GAREM1: variants seen among roughly 807,000 people sequenced by gnomAD.
The protein encoded by GAREM1 is GRB2 associated regulator of MAPK1 subtype 1, also known as GRB2-associated and regulator of MAPK protein 1.
A neutral mutation model predicts 71.3 loss-of-function variants in GAREM1; 26 were observed. That is an observed-to-expected ratio of 0.36 (90% CI 0.27 to 0.51). The LOEUF is 0.51. Among genes scored for constraint, GAREM1 ranks in the 20% least tolerant of loss-of-function variants. The pLI is 0.95. For missense variants in GAREM1, 1,026 were observed against 1,103.1 expected (o/e 0.93, Z 0.99); for synonymous variants, 440 against 433.2 (o/e 1.02, Z -0.20).
At chr18:32,372,951 G>A (rs1423769873) in intron 2 of GAREM1, among the ~76,000 whole-genome samples, 7 of 152,164 alleles carry the variant, frequency 4.6e-5, no homozygotes, top group South Asian at 2.1e-4. Context: ...GCTCTCTCCC[G>A]CCTCACCCAC....
intron 2 of GAREM1, among the ~76,000 whole-genome samples, chr18:32,346,686 C>T (rs1399899089): frequency 6.6e-6 from 1 of 152,160 alleles, no homozygotes; most frequent in Non-Finnish European, 1.5e-5. Flanking sequence ...ATTACTACTC[C>T]TAGTTGTGTC....
chr18:32,263,789 T>C lies in GAREM1; in HGVS notation c.*4082A>G, dbSNP rs2041337255. 1 of 152,214 alleles carries C rather than the reference T, an allele frequency of 6.6e-6. No homozygotes were observed. Among genetic ancestry groups the C allele is most frequent in the African/African-American group, 2.4e-5 (1 of 41,458 alleles). 9.4% of individuals were successfully genotyped at this position (152,214 alleles called of 1,614,324 possible). ...TCTCCAAATTCTTAACTGATTTCAA[T>C]TTTTAGGCTTAGCTTAAATATTTTA... On this transcript the variant is annotated 3_prime_UTR_variant, in exon 6 of 6. Transcript: ENST00000269209.
At position 32,268,581 on chromosome 18, in the gene GAREM1, C is replaced by G. The variant is rs1444680822; in HGVS notation, c.1921G>C (p.Asp641His). The G allele has an allele frequency of 6.2e-7, 1 of 1,614,148 alleles. No homozygotes were observed. The highest frequency in any genetic ancestry group is 8.5e-7 in the Non-Finnish European group (1 of 1,180,018). ...SGASESQTRS[D>H]FLLDPSRSYS... is the part of the protein sequence containing the mutation. The stretch of plus-strand genomic sequence containing the variant: ...CTCCTGCTTGGATCCAGCAGGAAGT[C>G]ACTCCTGGTCTGGCTTTCTGATGCT... Residue 641 changes from aspartate to histidine, a missense_variant, in exon 6 of 6, where the codon GAC becomes CAC. By Grantham distance (81) the Asp-to-His change is moderately conservative. Around this residue, in one of 3 missense-constraint regions of GAREM1, gnomAD observed 636 missense variants for 631.2 expected, o/e 1.01. Coordinates refer to ENST00000269209, the MANE Select transcript of GAREM1 (RefSeq NM_001242409.2).
At chr18:32,312,089 C>A (rs1338596079) in intron 2 of GAREM1, among the ~76,000 whole-genome samples, 3 of 152,154 alleles carry the variant, frequency 2.0e-5, no homozygotes, top group African/African-American at 7.2e-5. Context: ...TCAGTCTGGA[C>A]AGGTAAGTCT....
In GAREM1 at chr18:32,267,821, T is replaced by C; in HGVS notation, c.*50A>G. 1 of 1,470,824 alleles carries C rather than the reference T, an allele frequency of 6.8e-7. No individual in the cohort carries two copies. The highest frequency in any genetic ancestry group is 9.3e-7 in the Non-Finnish European group (1 of 1,074,536). 91.1% of individuals were successfully genotyped at this position (1,470,824 alleles called of 1,614,324 possible). ...AAATTGTGTCCCAGCCCACCCCTTC[T>C]AGCACACGCATTGATCAGTTTTGTT... On this transcript the variant is annotated 3_prime_UTR_variant, in exon 6 of 6. Coordinates refer to ENST00000269209, the MANE Select transcript of GAREM1 (RefSeq NM_001242409.2).
rs753863463 is a variant in GAREM1, at chr18:32,268,259, A to G, written c.2243T>C (p.Ile748Thr). 3.1e-6 allele frequency: 5 copies of G among 1,613,924 alleles called. No homozygotes were observed. The South Asian group carries it at 4.4e-5, about 14-fold the overall frequency. Residue 748 changes from isoleucine (I) to threonine (T), a missense_variant, in exon 6 of 6, where the codon ATT becomes ACT. Ile to Thr is a moderately conservative substitution (Grantham distance 89, BLOSUM62 -1). Transcript: ENST00000269209. The part of the protein sequence containing the change: ...ASETSPLPLK[I>T]DGAEEDPKSG... Reference sequence around the variant, plus strand: ...CTTGGGGTCTTCCTCAGCACCATCAATTTTCAGAGGCAAAGGAGATGTTTC... The same window carrying G: ...CTTGGGGTCTTCCTCAGCACCATCAGTTTTCAGAGGCAAAGGAGATGTTTC...
intron 2 of GAREM1, among the ~76,000 whole-genome samples, chr18:32,316,238 T>A (rs1010878333): frequency 6.6e-6 from 1 of 152,228 alleles, no homozygotes; most frequent in Non-Finnish European, 1.5e-5. Context: ...CTACAACTGT[T>A]AACATTTATG....
intron 1 of GAREM1, among the ~76,000 whole-genome samples, chr18:32,448,625 T>C (rs769410675): frequency 4.6e-5 from 7 of 151,926 alleles, no homozygotes; most frequent in Non-Finnish European, 5.9e-5. Context: ...CCAAGGTAAA[T>C]GAAGGATATT....
chr18:32,332,216 C>G (rs190218957), intron 2 of GAREM1, among the ~76,000 whole-genome samples: 28 of 151,810 alleles, frequency 1.8e-4, no homozygotes, highest in African/African-American at 6.8e-4. Context: ...GTAGTCTTTG[C>G]CTACCAGGTT....
chr18:32,417,243 A>G (rs2048474131), intron 1 of GAREM1, among the ~76,000 whole-genome samples: 1 of 152,228 alleles, frequency 6.6e-6, no homozygotes, highest in South Asian at 2.1e-4. Context: ...GGCATGGAAA[A>G]AAGGGAACCC....
intron 2 of GAREM1, among the ~76,000 whole-genome samples, chr18:32,350,890 A>T (rs1325222341): frequency 6.6e-6 from 1 of 152,186 alleles, no homozygotes; most frequent in Non-Finnish European, 1.5e-5. Context: ...CAAAATTTCA[A>T]TTTATTAGAC....
At chr18:32,313,274 G>C (rs1309882096) in intron 2 of GAREM1, among the ~76,000 whole-genome samples, 1 of 152,138 alleles carries the variant, frequency 6.6e-6, no homozygotes, top group Non-Finnish European at 1.5e-5. Flanking sequence ...TGGGTGGGAG[G>C]GAAGTGGGTC....
chr18:32,324,536 G>A (rs1050779785), intron 2 of GAREM1, among the ~76,000 whole-genome samples: 2 of 152,196 alleles, frequency 1.3e-5, no homozygotes, highest in Admixed American at 1.3e-4. Context: ...AAAACTCCAT[G>A]TACAGAAACA....
chr18:32,317,142 C>T (rs112269282), intron 2 of GAREM1, among the ~76,000 whole-genome samples: 5,263 of 152,234 alleles, frequency 0.035, 294 homozygotes, highest in African/African-American at 0.12. Flanking sequence ...CGGTGGCTCA[C>T]GCCTGTAATC....
At chr18:32,361,005 T>C (rs536421476) in intron 2 of GAREM1, among the ~76,000 whole-genome samples, 1 of 152,338 alleles carries the variant, frequency 6.6e-6, no homozygotes, top group African/African-American at 2.4e-5. Context: ...ATACTCTTTT[T>C]AGAAATAATA....
At chr18:32,344,309 C>T (rs1348845548) in intron 2 of GAREM1, among the ~76,000 whole-genome samples, 1 of 152,170 alleles carries the variant, frequency 6.6e-6, no homozygotes, top group East Asian at 1.9e-4. Context: ...CCCCAAAACT[C>T]AGGAGCTTTC....
At chr18:32,306,654 C>G (rs2047258673) in intron 3 of GAREM1, among the ~76,000 whole-genome samples, 1 of 152,206 alleles carries the variant, frequency 6.6e-6, no homozygotes, top group African/African-American at 2.4e-5. Context: ...CAACTAGATA[C>G]TCTGAGCCTA....
chr18:32,374,388 A>G (rs1055914862), intron 2 of GAREM1, among the ~76,000 whole-genome samples: 2 of 152,148 alleles, frequency 1.3e-5, no homozygotes, highest in African/African-American at 4.8e-5. Flanking sequence ...TGAACTCCCC[A>G]CCTTCTCTGC....
At chr18:32,451,927 T>C (rs2048844223) in intron 1 of GAREM1, among the ~76,000 whole-genome samples, 1 of 152,244 alleles carries the variant, frequency 6.6e-6, no homozygotes, top group African/African-American at 2.4e-5. Context: ...AGAATGTTGC[T>C]TGATACTAGC....
Sources: gnomAD v4.1 joint callset for allele counts (sites outside exome capture counted in the v4.1 genomes callset) on GRCh38, gnomAD v4.1.1 for gene constraint, gnomAD v4.1.1 regional missense constraint, MANE v1.5 for transcripts, NCBI Gene and HGNC (gene_info 2026-07-23, HGNC 2026-07-21) for gene names.